The following ERC1 variants were observed in gnomAD, a reference collection of about 807,000 sequenced individuals.
The protein encoded by ERC1 is RAB6 interacting protein 2.
A neutral mutation model predicts 132.0 loss-of-function variants in ERC1; 56 were observed. The ratio of observed to expected loss-of-function variants is 0.42; its 90% CI spans 0.34 to 0.53. The LOEUF is 0.53. Ranked by LOEUF, ERC1 falls within the 20% of genes least tolerant of loss-of-function variation. The probability of loss-of-function intolerance (pLI) is 0.03; values close to 1 mark genes in which losing one functional copy is unlikely to be tolerated. For synonymous variants in ERC1, 478 were observed against 476.1 expected (o/e 1.00, Z -0.05); for missense variants, 1,202 against 1,349.9 (o/e 0.89, Z 1.72).
chr12:1,284,309 T>TAC (rs2078899964), intron 14 of ERC1, among the ~76,000 whole-genome samples: 1 of 142,566 alleles, frequency 7.0e-6, no homozygotes, highest in Non-Finnish European at 1.6e-5. Context: ...TGTGTGTGTG[T>TAC]ATACATACCA....
chr12:1,167,558 T>C (rs941026319), intron 8 of ERC1, among the ~76,000 whole-genome samples: 8 of 152,204 alleles, frequency 5.3e-5, no homozygotes, highest in Non-Finnish European at 1.0e-4. Flanking sequence ...TATTTTGTTC[T>C]TTATCTGTTT....
At position 1,412,154 on chromosome 12, in the gene ERC1, A is replaced by G. The variant is rs143429610; in HGVS notation, c.3024+3907A>G. ...ATAAGGATTTTACCTAAAGAAATGC[A>G]TGAGTGACCCCTAAAACACTGCAGA... On this transcript the variant is annotated intron_variant, in intron 17 of 18. Coordinates refer to ENST00000360905, the MANE Select transcript of ERC1 (RefSeq NM_178040.4). Among the ~76,000 whole-genome samples, 4 of 152,372 alleles carry G rather than the reference A, an allele frequency of 2.6e-5. No individual in the cohort carries two copies. In the East Asian group the frequency reaches 7.7e-4, roughly 29 times the overall value.
intron 2 of ERC1, among the ~76,000 whole-genome samples, chr12:1,063,084 A>G (rs1222744681): frequency 1.3e-5 from 2 of 150,818 alleles, no homozygotes; most frequent in East Asian, 1.9e-4. Flanking sequence ...TTTTTTTGAG[A>G]CGGAGTTTCA....
chr12:1,013,910 G>GT (rs1179689201), intron 1 of ERC1, among the ~76,000 whole-genome samples: 7 of 151,920 alleles, frequency 4.6e-5, no homozygotes, highest in African/African-American at 1.7e-4. Flanking sequence ...TAAAAAAAAA[G>GT]TTTTTTGTGG....
rs544186294 is a variant in ERC1, at chr12:1,131,682, G to A, written c.1570-9938G>A. ...GGGTTTCACCCTGTTAGCCAGGATG[G>A]TCTCGATCTCCTGACCTTGTGATCC... is the stretch of plus-strand genomic sequence containing the variant. On this transcript the variant is annotated intron_variant, in intron 7 of 18. Coordinates refer to ENST00000360905, the MANE Select transcript of ERC1 (RefSeq NM_178040.4). Among the ~76,000 whole-genome samples the A allele has an allele frequency of 3.9e-5, 6 of 152,132 alleles. No homozygotes were observed. In the South Asian group the frequency reaches 1.2e-3, roughly 32 times the overall value.
chr12:1,489,904 C>CT (rs1464142026), intron 18 of ERC1, among the ~76,000 whole-genome samples, 189 bp from the exon 19 acceptor site: 2 of 152,188 alleles, frequency 1.3e-5, no homozygotes, highest in Non-Finnish European at 2.9e-5. Context: ...GAACCAGTGA[C>CT]TAACTTTTTG....
chr12:1,342,873 A>G (rs1252055467), intron 15 of ERC1, among the ~76,000 whole-genome samples: 1 of 152,184 alleles, frequency 6.6e-6, no homozygotes, highest in Admixed American at 6.5e-5. Flanking sequence ...AAGTGATGTG[A>G]TCCAATCCAT....
intron 2 of ERC1, among the ~76,000 whole-genome samples, chr12:1,080,735 C>T (rs575629097): frequency 3.1e-4 from 47 of 152,132 alleles, no homozygotes; most frequent in African/African-American, 1.0e-3. Context: ...TGCCTCATAC[C>T]GTGATTCTGA....
At chr12:1,456,090 A>G (rs1054631055) in intron 18 of ERC1, among the ~76,000 whole-genome samples, 4 of 152,212 alleles carry the variant, frequency 2.6e-5, no homozygotes, top group African/African-American at 9.7e-5. Flanking sequence ...GCTGTGTAAC[A>G]CAATTTCCCT....
intron 15 of ERC1, among the ~76,000 whole-genome samples, chr12:1,301,961 C>T (rs1330652468): frequency 6.6e-6 from 1 of 152,122 alleles, no homozygotes; most frequent in Admixed American, 6.6e-5. Context: ...GAAACTCATT[C>T]ACAAAATAAA....
intron 18 of ERC1, among the ~76,000 whole-genome samples, chr12:1,468,639 A>G (rs1265653116): frequency 6.6e-6 from 1 of 151,934 alleles, no homozygotes; most frequent in Admixed American, 6.6e-5. Context: ...AGGAAAGGAA[A>G]GGAGGAAGAA....
chr12:1,235,629 A>G (rs922870211), intron 12 of ERC1, among the ~76,000 whole-genome samples: 10 of 152,190 alleles, frequency 6.6e-5, no homozygotes, highest in Admixed American at 1.3e-4. Flanking sequence ...TAAAACTATA[A>G]TGAGGTACTA....
At chr12:1,076,095 ATTG>A (rs1941293141) in intron 2 of ERC1, among the ~76,000 whole-genome samples, 1 of 152,198 alleles carries the variant, frequency 6.6e-6, no homozygotes, top group African/African-American at 2.4e-5. Flanking sequence ...TTTCTTGAAT[ATTG>A]TTGTTAATTT....
chr12:1,389,071 T>C (rs1174869250), intron 16 of ERC1, among the ~76,000 whole-genome samples: 1 of 152,200 alleles, frequency 6.6e-6, no homozygotes, highest in Non-Finnish European at 1.5e-5. Flanking sequence ...TCTTCTATGC[T>C]TGGGTCCCAC....
intron 18 of ERC1, among the ~76,000 whole-genome samples, chr12:1,488,111 C>G (rs943493408): frequency 1.4e-5 from 2 of 147,580 alleles, no homozygotes; most frequent in African/African-American, 2.5e-5. Context: ...GCACTCCAGC[C>G]TGGGTGACAG....
chr12:1,385,628 A>G (rs2089256289), intron 16 of ERC1, among the ~76,000 whole-genome samples: 1 of 152,188 alleles, frequency 6.6e-6, no homozygotes, highest in South Asian at 2.1e-4. Context: ...GGAAGAACAG[A>G]AGGAAACCTG....
At chr12:1,159,107 A>T (rs1333886769) in intron 8 of ERC1, among the ~76,000 whole-genome samples, 11 of 152,344 alleles carry the variant, frequency 7.2e-5, no homozygotes, top group African/African-American at 2.4e-4. Context: ...ATGTTCAACT[A>T]TAATGAATGA....
intron 15 of ERC1, among the ~76,000 whole-genome samples, chr12:1,304,986 C>T (rs2080763709): frequency 6.6e-6 from 1 of 151,490 alleles, no homozygotes; most frequent in Non-Finnish European, 1.5e-5. Context: ...AGACGGGTTT[C>T]ACCGTGTTGG....
intron 1 of ERC1, among the ~76,000 whole-genome samples, chr12:1,023,857 A>C (rs1285770844): frequency 6.6e-6 from 1 of 152,200 alleles, no homozygotes; most frequent in Admixed American, 6.5e-5. Flanking sequence ...TTAGAGAGGA[A>C]AAGTGTTCAT....
Sources: gnomAD v4.1 joint callset for allele counts (sites outside exome capture counted in the v4.1 genomes callset) on GRCh38, gnomAD v4.1.1 for gene constraint, MANE v1.5 for transcripts, NCBI Gene and HGNC (gene_info 2026-07-23, HGNC 2026-07-21) for gene names.